CDK14: variants seen among roughly 807,000 people sequenced by gnomAD.
The protein encoded by CDK14 is cyclin-dependent kinase 14.
CDK14 carries 34 observed loss-of-function variants against 60.7 expected under a neutral mutation model. The observed-to-expected ratio is 0.56, with a 90% confidence interval of 0.43 to 0.75. The LOEUF (loss-of-function observed/expected upper bound fraction) is 0.75. Ranked by LOEUF, CDK14 falls within the 30% of genes least tolerant of loss-of-function variation. CDK14 has a pLI of 0.00. For missense variants in CDK14, 482 were observed against 564.1 expected, an observed-to-expected ratio of 0.85 and a Z score of 1.47; for synonymous variants, 197 against 203.7, an observed-to-expected ratio of 0.97 and a Z score of 0.28.
intron 14 of CDK14, among the ~76,000 whole-genome samples, chr7:91,167,446 T>C (rs1747007668): frequency 6.6e-6 from 1 of 152,222 alleles, no homozygotes; most frequent in African/African-American, 2.4e-5. Context: ...CAGCTTCCTC[T>C]CCTGGAAAGT....
intron 14 of CDK14, among the ~76,000 whole-genome samples, chr7:91,153,440 T>C (rs1235316136): frequency 3.3e-5 from 5 of 152,160 alleles, no homozygotes; most frequent in Non-Finnish European, 5.9e-5. Context: ...CATATGTTCA[T>C]TGCAGCATTA....
intron 5 of CDK14, among the ~76,000 whole-genome samples, chr7:90,800,740 T>C (rs1253840148): frequency 6.6e-6 from 1 of 152,216 alleles, no homozygotes; most frequent in Non-Finnish European, 1.5e-5. Flanking sequence ...TGTGATAAAT[T>C]ACCACAAATT....
chr7:91,129,195 A>G (rs1399407600), intron 14 of CDK14, among the ~76,000 whole-genome samples: 1 of 152,134 alleles, frequency 6.6e-6, no homozygotes, highest in African/African-American at 2.4e-5. Flanking sequence ...ATTCTTTGCC[A>G]TTTACACTGT....
At chr7:90,783,650 T>C (rs571222600) in intron 4 of CDK14, among the ~76,000 whole-genome samples, 11 of 152,260 alleles carry the variant, frequency 7.2e-5, no homozygotes, top group Admixed American at 2.6e-4. Context: ...AGAAGAGATA[T>C]GCATGTTCAA....
rs570272918 is a variant in CDK14, at chr7:91,130,256, A to G, written c.*28+12048A>G. ...ACTCATTGAAAAGATTTGCACAACTATAGGGCACTGCCACTCCTCCCACTA... is the reference window on the plus strand; with the variant it reads ...ACTCATTGAAAAGATTTGCACAACTGTAGGGCACTGCCACTCCTCCCACTA... On this transcript the variant is annotated intron_variant, in intron 14 of 14. Transcript: ENST00000380050. Among the ~76,000 whole-genome samples, 17 of 152,266 alleles carry G rather than the reference A, an allele frequency of 1.1e-4. No homozygotes were observed. The South Asian group carries it at 3.5e-3, about 32-fold the overall frequency.
At chr7:91,137,692 GGGTGT>G (rs1191858060) in intron 14 of CDK14, among the ~76,000 whole-genome samples, 368 of 29,356 alleles carry the variant, frequency 0.013, 2 homozygotes, top group African/African-American at 0.063. Context: ...GACTTGTGGG[GGGTGT>G]GTGTGTGTGT....
intron 14 of CDK14, among the ~76,000 whole-genome samples, chr7:91,133,172 G>C (rs1800169270): frequency 6.6e-6 from 1 of 152,090 alleles, no homozygotes; most frequent in Non-Finnish European, 1.5e-5. Flanking sequence ...TCATGGTCTT[G>C]TATACTCAGC....
chr7:91,135,892 G>A (rs560944518), intron 14 of CDK14, among the ~76,000 whole-genome samples: 16 of 152,126 alleles, frequency 1.1e-4, no homozygotes, highest in Admixed American at 3.3e-4. Context: ...TTTTAGAGCC[G>A]GACTCAGTGA....
intron 9 of CDK14, among the ~76,000 whole-genome samples, chr7:90,979,959 A>AT (rs10716810): frequency 1.3e-5 from 2 of 151,766 alleles, no homozygotes; most frequent in Admixed American, 6.6e-5. Flanking sequence ...TTCTATAGCC[A>AT]TTTTTTTAGT....
intron 1 of CDK14, among the ~76,000 whole-genome samples, chr7:90,601,509 A>G (rs1799312034): frequency 6.6e-6 from 1 of 152,218 alleles, no homozygotes; most frequent in Non-Finnish European, 1.5e-5. Context: ...TATTGTGCAG[A>G]TGAGATAATC....
chr7:90,990,887 C>T (rs1255454700), intron 10 of CDK14, among the ~76,000 whole-genome samples: 1 of 152,098 alleles, frequency 6.6e-6, no homozygotes, highest in Non-Finnish European at 1.5e-5. Context: ...TTCATTCATT[C>T]AGCAAGATTA....
At chr7:90,615,577 G>A (rs1363264962) in intron 2 of CDK14, among the ~76,000 whole-genome samples, 1 of 152,100 alleles carries the variant, frequency 6.6e-6, no homozygotes, top group Non-Finnish European at 1.5e-5. Context: ...TTATGTTTTG[G>A]TATTTTTTTT....
intron 8 of CDK14, among the ~76,000 whole-genome samples, chr7:90,923,881 T>C (rs1477804725): frequency 6.6e-6 from 1 of 152,228 alleles, no homozygotes. Context: ...TTTGCATATG[T>C]AGAAAGACTG....
chr7:90,787,767 CTT>C (rs892736570), intron 4 of CDK14, among the ~76,000 whole-genome samples: 3 of 152,062 alleles, frequency 2.0e-5, no homozygotes, highest in Admixed American at 6.6e-5. Flanking sequence ...ATGATCATAA[CTT>C]ATTAAAAACA....
chr7:90,942,396 A>G (rs1793962210), intron 8 of CDK14, among the ~76,000 whole-genome samples: 1 of 152,184 alleles, frequency 6.6e-6, no homozygotes. Flanking sequence ...AATCTTGAGA[A>G]ATTTCACAAG....
At chr7:91,078,448 A>G (rs569646200) in intron 11 of CDK14, among the ~76,000 whole-genome samples, 44 of 152,272 alleles carry the variant, frequency 2.9e-4, no homozygotes, top group African/African-American at 1.1e-3. Context: ...CTCTACTAAA[A>G]ATACAAAAAT....
At chr7:90,840,074 G>A (rs1790241059) in intron 5 of CDK14, among the ~76,000 whole-genome samples, 1 of 152,144 alleles carries the variant, frequency 6.6e-6, no homozygotes, top group Non-Finnish European at 1.5e-5. Context: ...CAGATGACAG[G>A]CTACATCTAT....
chr7:90,649,373 CCTT>C (rs1563030090), intron 2 of CDK14, among the ~76,000 whole-genome samples: 4 of 49,348 alleles, frequency 8.1e-5, no homozygotes, highest in African/African-American at 1.1e-4. Flanking sequence ...TCCTTTCCTT[CCTT>C]CCTTCCTTCC....
intron 4 of CDK14, among the ~76,000 whole-genome samples, chr7:90,769,340 C>T (rs1804691511): frequency 6.6e-6 from 1 of 152,046 alleles, no homozygotes; most frequent in Non-Finnish European, 1.5e-5. Context: ...GTAGTTTATT[C>T]TTCTAACACT....
Sources: allele counts gnomAD v4.1 joint callset (sites outside exome capture counted in the v4.1 genomes callset), GRCh38; gene constraint gnomAD v4.1.1; transcripts MANE v1.5; gene names NCBI Gene and HGNC (gene_info 2026-07-23, HGNC 2026-07-21).